COLQ: variants seen among roughly 807,000 people sequenced by gnomAD.
The protein encoded by COLQ is collagen like tail subunit of asymmetric acetylcholinesterase.
In COLQ, 48 loss-of-function variants were observed where a neutral mutation model predicts 69.0. That is an observed-to-expected ratio of 0.70 (90% CI 0.55 to 0.88). The LOEUF (loss-of-function observed/expected upper bound fraction) is 0.88. Among genes scored for constraint, COLQ ranks in the 40% least tolerant of loss-of-function variants. The pLI is 0.00. For synonymous variants in COLQ, 217 were observed against 211.2 expected, an observed-to-expected ratio of 1.03 and a Z score of -0.24; for missense variants, 618 against 594.6, an observed-to-expected ratio of 1.04 and a Z score of -0.41.
chr3:15,510,510 C>T (rs907857539), intron 1 of COLQ, among the ~76,000 whole-genome samples: 1 of 151,746 alleles, frequency 6.6e-6, no homozygotes, highest in Non-Finnish European at 1.5e-5. Context: ...GAGTTCAAGA[C>T]GAGCCTGGGC....
At chr3:15,504,041 C>T (rs987388497) in intron 1 of COLQ, among the ~76,000 whole-genome samples, 2 of 151,920 alleles carry the variant, frequency 1.3e-5, no homozygotes, top group Admixed American at 6.6e-5. Context: ...CTGATTATCC[C>T]GACCACAGAG....
intron 1 of COLQ, among the ~76,000 whole-genome samples, chr3:15,500,851 G>C (rs926979344): frequency 6.6e-6 from 1 of 152,180 alleles, no homozygotes; most frequent in Non-Finnish European, 1.5e-5. Context: ...CTGGGATTAA[G>C]AGCCCTGGTC....
Position 15,488,210 on chromosome 3 carries a change from G to T in COLQ, c.317C>A (p.Pro106His). The change falls in exon 3 of 17, where the codon CCC (proline) becomes CAC (histidine). Residue 106 changes from proline (P) to histidine (H), a missense_variant. By Grantham distance (77) the Pro-to-His change is moderately conservative. Transcript: ENST00000383788. ...GGTCCGGTAGAGTGCACCAACCTGG[G>T]GGCCGGGAGGCCCAGGGGAGCCTAG... ...GSLGSPGPPG[P>H]QGPPGLPGKT... 6.2e-7 allele frequency: 1 copy of T among 1,611,904 alleles called. No homozygotes were observed. Among genetic ancestry groups the T allele is most frequent in the Non-Finnish European group, 8.5e-7 (1 of 1,179,726 alleles).
intron 16 of COLQ, among the ~76,000 whole-genome samples, chr3:15,452,293 T>C (rs796069525): frequency 6.6e-6 from 1 of 152,268 alleles, no homozygotes; most frequent in African/African-American, 2.4e-5. Flanking sequence ...TGCCGAACTC[T>C]GAACCTCAGG....
intron 1 of COLQ, among the ~76,000 whole-genome samples, chr3:15,505,835 A>G (rs1207123374): frequency 1.3e-5 from 2 of 152,208 alleles, no homozygotes; most frequent in South Asian, 4.1e-4. Context: ...TCCAGCCACT[A>G]CGTTTCCATG....
intron 15 of COLQ, 29 bp from the exon 16 acceptor site, chr3:15,453,960 G>A (rs1433536470): frequency 6.6e-7 from 1 of 1,517,908 alleles, no homozygotes; most frequent in Non-Finnish European, 9.1e-7. Flanking sequence ...GTGCAGTCTT[G>A]AGAAGGAGCA....
intron 11 of COLQ, chr3:15,467,855 C>T (rs2062223280): frequency 2.2e-6 from 1 of 456,602 alleles, no homozygotes; most frequent in Non-Finnish European, 4.4e-6. Context: ...GACCGGCTGC[C>T]TTGTCCACAT....
intron 1 of COLQ, chr3:15,498,865 G>T: frequency 7.2e-7 from 1 of 1,383,130 alleles, no homozygotes; most frequent in East Asian, 2.8e-5. Flanking sequence ...CAGCCCAGGG[G>T]AGGATATGAG....
chr3:15,519,874 A>C (rs1363763968), intron 1 of COLQ, among the ~76,000 whole-genome samples: 2 of 152,194 alleles, frequency 1.3e-5, no homozygotes, highest in African/African-American at 4.8e-5. Context: ...TGCAGATGAG[A>C]AGCTTTTATT....
At chr3:15,507,562 C>A (rs1283890523) in intron 1 of COLQ, among the ~76,000 whole-genome samples, 1 of 152,228 alleles carries the variant, frequency 6.6e-6, no homozygotes, top group East Asian at 1.9e-4. Context: ...TCAAACAATC[C>A]TCCCACCTCA....
chr3:15,479,150 C>T (rs1233335595), intron 4 of COLQ, 147 bp from the exon 5 acceptor site: 5 of 1,180,670 alleles, frequency 4.2e-6, no homozygotes, highest in African/African-American at 1.5e-5. Flanking sequence ...GTCGATAGGC[C>T]ACGTCAAAAT....
intron 1 of COLQ, among the ~76,000 whole-genome samples, chr3:15,490,695 C>A (rs934761397): frequency 6.6e-6 from 1 of 152,196 alleles, no homozygotes; most frequent in Non-Finnish European, 1.5e-5. Context: ...TACACATCCA[C>A]CAGAATGGCT....
chr3:15,484,027 G>A (rs1367570251), intron 3 of COLQ, among the ~76,000 whole-genome samples: 1 of 143,140 alleles, frequency 7.0e-6, no homozygotes, highest in Non-Finnish European at 1.5e-5. Flanking sequence ...CAGAGACTAG[G>A]ATTGCAAGCC....
In COLQ at chr3:15,481,429, T is replaced by C. The variant is rs531843095; in HGVS notation, c.322-2047A>G. Among the ~76,000 whole-genome samples, 903 of 152,378 alleles carry C rather than the reference T, an allele frequency of 5.9e-3. 9 individuals carry two copies. The highest frequency in any genetic ancestry group is 0.021 in the African/African-American group (865 of 41,582). On this transcript the variant is annotated intron_variant, in intron 3 of 16. Transcript: ENST00000383788. ...AGGGATCCAGTTTCAGCTTTCTACA[T>C]ATGGCTAGCCAGTTTTCCCAGCACC...
intron 12 of COLQ, 38 bp downstream of exon 12, chr3:15,466,303 C>G: frequency 6.7e-7 from 1 of 1,488,688 alleles, no homozygotes; most frequent in Non-Finnish European, 9.4e-7. Flanking sequence ...CTGGCCAGTA[C>G]TCCAACAGTG....
intron 1 of COLQ, among the ~76,000 whole-genome samples, chr3:15,512,830 T>G (rs534059775): frequency 6.6e-6 from 1 of 152,334 alleles, no homozygotes; most frequent in South Asian, 2.1e-4. Context: ...TTACAGCCAT[T>G]TCATAGACGA....
At chr3:15,457,580 T>G (rs1437984904) in intron 13 of COLQ, among the ~76,000 whole-genome samples, 1 of 152,074 alleles carries the variant, frequency 6.6e-6, no homozygotes, top group Non-Finnish European at 1.5e-5. Context: ...ATTTATAGAG[T>G]GTGGAAACAT....
intron 6 of COLQ, among the ~76,000 whole-genome samples, chr3:15,476,160 T>C (rs912746395): frequency 6.6e-6 from 1 of 152,264 alleles, no homozygotes; most frequent in African/African-American, 2.4e-5. Flanking sequence ...ATCTGCTATG[T>C]AATTTACATT....
chr3:15,488,925 T>A (rs765366024), intron 2 of COLQ, among the ~76,000 whole-genome samples: 2 of 152,302 alleles, frequency 1.3e-5, no homozygotes, highest in East Asian at 1.9e-4. Context: ...GGCTCCTGAA[T>A]TGGACAGCTC....
Sources: allele counts gnomAD v4.1 joint callset (sites outside exome capture counted in the v4.1 genomes callset), GRCh38; gene constraint gnomAD v4.1.1; transcripts MANE v1.5; gene names NCBI Gene and HGNC (gene_info 2026-07-23, HGNC 2026-07-21).